VWF: variants seen among roughly 807,000 people sequenced by gnomAD.
VWF encodes the protein von Willebrand factor.
VWF carries 176 observed loss-of-function variants against 308.6 expected under a neutral mutation model. The observed-to-expected ratio is 0.57, with a 90% CI of 0.50 to 0.65. VWF has a LOEUF of 0.65. Among genes scored for constraint, VWF ranks in the 30% least tolerant of loss-of-function variants. VWF has a pLI of 0.00. For synonymous variants in VWF, 1,385 were observed against 1,443.4 expected, an observed-to-expected ratio of 0.96 and a Z score of 0.92; for missense variants, 3,146 against 3,648.2, an observed-to-expected ratio of 0.86 and a Z score of 3.55.
chr12:6,039,187 T>G (rs1367671357), intron 18 of VWF, among the ~76,000 whole-genome samples: 1 of 152,244 alleles, frequency 6.6e-6, no homozygotes, highest in Non-Finnish European at 1.5e-5. Flanking sequence ...AGTCTATGAA[T>G]GTCCCCTGAA....
chr12:6,097,905 G>A (rs1945122154), intron 5 of VWF, among the ~76,000 whole-genome samples: 2 of 152,228 alleles, frequency 1.3e-5, no homozygotes. Context: ...GGACATAGAG[G>A]AGGCTTCATG....
intron 48 of VWF, among the ~76,000 whole-genome samples, chr12:5,952,879 C>A (rs533766465): frequency 6.6e-6 from 1 of 152,188 alleles, no homozygotes; most frequent in African/African-American, 2.4e-5. Context: ...GTTTGTTTCA[C>A]GCTGATGGCC....
intron 14 of VWF, among the ~76,000 whole-genome samples, chr12:6,057,488 TA>T (rs1278413185): frequency 2.5e-4 from 29 of 113,850 alleles, no homozygotes; most frequent in Admixed American, 1.9e-3. Context: ...AATTTATTAT[TA>T]TTATTATTAT....
In VWF at chr12:6,062,928, A is replaced by G. The variant is rs531895075; in HGVS notation, c.1533+26T>C. 20 of 1,596,536 alleles carry G rather than the reference A, an allele frequency of 1.3e-5. No homozygotes were observed. The East Asian group carries it at 4.5e-4, about 36-fold the overall frequency. ...ACTTTGTAAGGGTCGGGCCGCAGGG[A>G]GCCAGTACCCCGTGAGGGCACCTAC... On this transcript the variant is annotated intron_variant, in intron 13 of 51. Coordinates refer to ENST00000261405, the MANE Select transcript of VWF (RefSeq NM_000552.5).
In VWF at chr12:5,994,403, A is replaced by G. The variant is rs760444113; in HGVS notation, c.6256+12T>C. On this transcript the variant is annotated intron_variant, in intron 36 of 51. Transcript: ENST00000261405. ...AGCAGGGGGAGAAGAGGAGTTGAGA[A>G]AATGTTCTTACCACACAGACCATAC... 2 of 1,614,030 alleles carry G rather than the reference A, an allele frequency of 1.2e-6. No individual in the cohort carries two copies. The highest frequency in any genetic ancestry group is 4.5e-5 in the East Asian group (2 of 44,872).
At chr12:5,986,165 G>A (rs906476304) in intron 38 of VWF, among the ~76,000 whole-genome samples, 5 of 152,164 alleles carry the variant, frequency 3.3e-5, no homozygotes, top group African/African-American at 4.8e-5. Flanking sequence ...AATGGGAGAC[G>A]GCCCAGGGCA....
At chr12:6,048,008 C>T (rs950576346) in intron 16 of VWF, among the ~76,000 whole-genome samples, 2 of 152,232 alleles carry the variant, frequency 1.3e-5, no homozygotes, top group African/African-American at 2.4e-5. Context: ...AAGTACTCTC[C>T]TAGATGACTC....
chr12:6,076,731 G>A (rs911815934), intron 6 of VWF, among the ~76,000 whole-genome samples: 5 of 152,182 alleles, frequency 3.3e-5, no homozygotes, highest in Non-Finnish European at 5.9e-5. Flanking sequence ...GAAACGACCC[G>A]TTTTGAGGAG....
chr12:6,119,627 C>T (rs1391863799), intron 3 of VWF, among the ~76,000 whole-genome samples: 1 of 152,162 alleles, frequency 6.6e-6, no homozygotes, highest in Non-Finnish European at 1.5e-5. Flanking sequence ...GGGTGGATCA[C>T]CTGAGGTCAG....
At chr12:6,092,616 A>AGTGAGTGAGAGAGAGAGAGAGAGTGTGT (rs796249343) in intron 6 of VWF, among the ~76,000 whole-genome samples, 11 of 96,622 alleles carry the variant, frequency 1.1e-4, no homozygotes, top group African/African-American at 4.9e-4. Context: ...TGAGTGAGTG[A>AGTGAGTGAGAGAGAGAGAGAGAGTGTGT]GAGTGTGTGT....
At chr12:6,103,474 GTGTATATACATA>G (rs1173805050) in intron 5 of VWF, among the ~76,000 whole-genome samples, 1 of 116,264 alleles carries the variant, frequency 8.6e-6, no homozygotes, top group African/African-American at 5.4e-5. Flanking sequence ...ACACATATGT[GTGTATATACATA>G]TATGTGTATA....
At chr12:5,982,493 C>A (rs1484353437) in intron 41 of VWF, among the ~76,000 whole-genome samples, 1 of 152,164 alleles carries the variant, frequency 6.6e-6, no homozygotes, top group African/African-American at 2.4e-5. Flanking sequence ...CACAATGTCA[C>A]TTTTAAAAGA....
At chr12:6,039,862 T>C (rs551233307) in intron 18 of VWF, among the ~76,000 whole-genome samples, 4 of 152,230 alleles carry the variant, frequency 2.6e-5, no homozygotes, top group South Asian at 4.2e-4. Context: ...ATAACCACAC[T>C]TCTCGCCACC....
At chr12:6,014,871 G>A (rs145353282) in intron 31 of VWF, among the ~76,000 whole-genome samples, 17 of 152,268 alleles carry the variant, frequency 1.1e-4, no homozygotes, top group East Asian at 3.9e-4. Flanking sequence ...GGCTTTGGAC[G>A]GTTAAATGAC....
Position 6,031,569 on chromosome 12 carries a change from C to T in VWF, c.2695G>A (p.Gly899Ser), listed in dbSNP as rs142135013. Residue 899 changes from glycine (G) to serine (S), a missense_variant, in exon 21 of 52, where the codon GGC becomes AGC. This residue lies in a region of VWF where 1,304 missense variants were observed against 1,353.0 expected (regional missense o/e 0.96). Coordinates refer to ENST00000261405, the MANE Select transcript of VWF (RefSeq NM_000552.5). The stretch of plus-strand genomic sequence containing the variant: ...ATCCGAAAGGTCCCAGGGTTACTGC[C>T]GCAGTAATCCTGGGGAAAGAGGAGT... ...CQYVLVQDYC[G>S]SNPGTFRILV... is the part of the protein sequence containing the mutation. 92 of 1,614,070 alleles carry T rather than the reference C, an allele frequency of 5.7e-5. No individual in the cohort carries two copies. The highest frequency in any genetic ancestry group is 5.2e-4 in the African/African-American group (39 of 75,004).
At chr12:5,960,232 T>A (rs1466051343) in intron 47 of VWF, among the ~76,000 whole-genome samples, 2 of 151,844 alleles carry the variant, frequency 1.3e-5, no homozygotes, top group Non-Finnish European at 2.9e-5. Context: ...GGAAATGTTA[T>A]AAACAACTTT....
At chr12:5,955,489 T>C (rs1943238251) in intron 47 of VWF, among the ~76,000 whole-genome samples, 2 of 152,140 alleles carry the variant, frequency 1.3e-5, no homozygotes, top group Non-Finnish European at 2.9e-5. Flanking sequence ...GTCCTTGCGA[T>C]AGTTTACTGA....
At chr12:6,088,275 G>A (rs541651701) in intron 6 of VWF, among the ~76,000 whole-genome samples, 64 of 151,928 alleles carry the variant, frequency 4.2e-4, no homozygotes, top group South Asian at 4.2e-4. Context: ...TCAGGAGATC[G>A]AGACCATCCT....
At chr12:5,999,146 G>A (rs1364593232) in intron 34 of VWF, among the ~76,000 whole-genome samples, 1 of 152,124 alleles carries the variant, frequency 6.6e-6, no homozygotes, top group Non-Finnish European at 1.5e-5. Flanking sequence ...ACAATCCAAG[G>A]AGAACTGAAA....
Sources: gnomAD v4.1 joint callset for allele counts (sites outside exome capture counted in the v4.1 genomes callset) on GRCh38, gnomAD v4.1.1 for gene constraint, gnomAD v4.1.1 regional missense constraint, MANE v1.5 for transcripts, NCBI Gene and HGNC (gene_info 2026-07-23, HGNC 2026-07-21) for gene names.